Variants in NCOA2 observed in about 807,000 individuals in gnomAD.
NCOA2 encodes the protein class E basic helix-loop-helix protein 75.
In NCOA2, 21 loss-of-function variants were observed where a neutral mutation model predicts 145.1. The ratio of observed to expected loss-of-function variants is 0.14; its 90% CI spans 0.10 to 0.21. The LOEUF is 0.21. Ranked by LOEUF, NCOA2 falls within the 10% of genes least tolerant of loss-of-function variation. The pLI is 1.00. For synonymous variants in NCOA2, 619 were observed against 637.5 expected (o/e 0.97, Z 0.44); for missense variants, 1,472 against 1,837.6 (o/e 0.80, Z 3.64).
intron 10 of NCOA2, among the ~76,000 whole-genome samples, 184 bp from the exon 11 acceptor site, chr8:70,157,424 C>G (rs1403670456): frequency 2.0e-5 from 3 of 152,036 alleles, no homozygotes; most frequent in African/African-American, 7.3e-5. Flanking sequence ...AGTGTTGGAC[C>G]AAGAGGGATG....
intron 1 of NCOA2, among the ~76,000 whole-genome samples, chr8:70,335,064 A>C (rs1274235554): frequency 7.7e-6 from 1 of 130,170 alleles, no homozygotes; most frequent in Non-Finnish European, 1.6e-5. Context: ...TGGAGGTTGC[A>C]GTGAGCTGAG....
intron 1 of NCOA2, among the ~76,000 whole-genome samples, chr8:70,357,700 G>A (rs1282171918): frequency 1.3e-5 from 2 of 150,444 alleles, no homozygotes; most frequent in African/African-American, 2.4e-5. Flanking sequence ...TAGATCGTGC[G>A]CCACTGCACT....
intron 2 of NCOA2, among the ~76,000 whole-genome samples, chr8:70,227,190 T>C (rs1199566919): frequency 6.6e-6 from 1 of 152,176 alleles, no homozygotes; most frequent in Admixed American, 6.5e-5. Flanking sequence ...GGATGGGCCT[T>C]AAGAAACTCA....
chr8:70,270,937 CTAAATA>C (rs1488651429), intron 2 of NCOA2, among the ~76,000 whole-genome samples: 1 of 152,038 alleles, frequency 6.6e-6, no homozygotes, highest in African/African-American at 2.4e-5. Context: ...AGCAATTAGT[CTAAATA>C]TAAAGAAAAA....
intron 1 of NCOA2, among the ~76,000 whole-genome samples, chr8:70,339,426 T>C (rs1489700062): frequency 6.6e-6 from 1 of 151,904 alleles, no homozygotes; most frequent in Non-Finnish European, 1.5e-5. Context: ...CTCAACGAAA[T>C]CACAGAGGAG....
At position 70,221,863 on chromosome 8, in the gene NCOA2, G is replaced by A. The variant is rs187415111; in HGVS notation, c.-19-5099C>T. Among the ~76,000 whole-genome samples, 5 of 152,134 alleles carry A rather than the reference G, an allele frequency of 3.3e-5. No individual in the cohort carries two copies. In the East Asian group the frequency reaches 7.7e-4, roughly 23 times the overall value. ...AGAAAATCAAACGTTGCTTCCCATT[G>A]GCAAACAAGTAATGCATTCAACAGT... On this transcript the variant is annotated intron_variant, in intron 2 of 22. Transcript: ENST00000452400.
At chr8:70,275,571 G>GTATTA (rs1288616148) in intron 2 of NCOA2, among the ~76,000 whole-genome samples, 1 of 151,942 alleles carries the variant, frequency 6.6e-6, no homozygotes, top group Non-Finnish European at 1.5e-5. Context: ...TGTCTATGTA[G>GTATTA]TATTACTCTA....
intron 11 of NCOA2, among the ~76,000 whole-genome samples, chr8:70,149,090 G>T (rs1811448420): frequency 6.7e-6 from 1 of 150,262 alleles, no homozygotes; most frequent in African/African-American, 2.5e-5. Flanking sequence ...CTTTTTTTCT[G>T]CTTGGACTTT....
intron 1 of NCOA2, among the ~76,000 whole-genome samples, chr8:70,337,474 C>T (rs1807716063): frequency 6.6e-6 from 1 of 152,064 alleles, no homozygotes; most frequent in African/African-American, 2.4e-5. Context: ...AATAGTGATC[C>T]TATACATAAT....
intron 2 of NCOA2, among the ~76,000 whole-genome samples, chr8:70,242,744 C>T (rs566769448): frequency 5.0e-4 from 76 of 152,116 alleles, no homozygotes; most frequent in African/African-American, 1.8e-3. Context: ...CAAACTTTTA[C>T]CTTCTCAAAA....
chr8:70,161,797 A>G (rs1429105515), intron 9 of NCOA2, among the ~76,000 whole-genome samples: 1 of 152,196 alleles, frequency 6.6e-6, no homozygotes, highest in Non-Finnish European at 1.5e-5. Context: ...CTGACAGTGC[A>G]TGTGGAGCCC....
chr8:70,144,749 A>G lies in NCOA2; in HGVS notation c.2705T>C (p.Phe902Ser), dbSNP rs1810828544. The G allele has an allele frequency of 1.9e-6, 3 of 1,613,936 alleles. No homozygotes were observed. The highest frequency in any genetic ancestry group is 2.5e-6 in the Non-Finnish European group (3 of 1,179,854). ...TLQSPTGAGPFPPIRNSSPYS... is the reference protein window; with the variant it reads ...TLQSPTGAGPSPPIRNSSPYS... The stretch of plus-strand genomic sequence containing the variant: ...GGGACTACTGTTTCTGATTGGTGGG[A>G]AAGGTCCAGCACCAGTTGGGCTTTG... Residue 902 changes from phenylalanine (F) to serine (S), a missense_variant, in exon 13 of 23, where the codon TTC becomes TCC. Phe to Ser is a radical substitution (Grantham distance 155). Coordinates refer to ENST00000452400, the MANE Select transcript of NCOA2 (RefSeq NM_006540.4).
rs1455719591 is a variant in NCOA2 at position 70,140,923 on chromosome 8, A to G, written c.3028+261T>C. The stretch of plus-strand genomic sequence containing the variant: ...ATTTCTTTATTAATAGTGTGACATT[A>G]TAATTCATTTCTTCCCCAAAGTTGA... On this transcript the variant is annotated intron_variant, in intron 14 of 22. Transcript: ENST00000452400. Among the ~76,000 whole-genome samples the G allele has an allele frequency of 2.6e-5, 4 of 152,152 alleles. No individual in the cohort carries two copies. In the South Asian group the frequency reaches 6.2e-4, roughly 24 times the overall value.
At chr8:70,316,994 G>T (rs1438776054) in intron 1 of NCOA2, among the ~76,000 whole-genome samples, 1 of 152,128 alleles carries the variant, frequency 6.6e-6, no homozygotes, top group African/African-American at 2.4e-5. Context: ...TCTGATCTCT[G>T]CGTGGAGCCC....
chr8:70,339,425 A>AT (rs748222156), intron 1 of NCOA2, among the ~76,000 whole-genome samples: 5 of 152,208 alleles, frequency 3.3e-5, no homozygotes, highest in Non-Finnish European at 5.9e-5. Flanking sequence ...GCTCAACGAA[A>AT]TCACAGAGGA....
intron 4 of NCOA2, among the ~76,000 whole-genome samples, chr8:70,212,746 AGGC>A (rs1819174357): frequency 1.3e-5 from 2 of 152,120 alleles, no homozygotes; most frequent in Non-Finnish European, 2.9e-5. Context: ...ATTATATAAA[AGGC>A]AGATTTTAAA....
chr8:70,135,203 C>T (rs1809595205), intron 15 of NCOA2, among the ~76,000 whole-genome samples: 1 of 152,198 alleles, frequency 6.6e-6, no homozygotes, highest in African/African-American at 2.4e-5. Flanking sequence ...CCACGCTCTT[C>T]TCCAGCTGAG....
intron 2 of NCOA2, 30 bp from the exon 3 acceptor site, chr8:70,216,794 A>G: frequency 7.4e-7 from 1 of 1,359,808 alleles, no homozygotes; most frequent in Non-Finnish European, 1.1e-6. Context: ...AGAGGAAGAA[A>G]AAAATGAAGA....
intron 4 of NCOA2, among the ~76,000 whole-genome samples, chr8:70,205,606 G>A (rs1179060179): frequency 6.6e-6 from 1 of 150,568 alleles, no homozygotes; most frequent in Non-Finnish European, 1.5e-5. Context: ...GCTGAGAGGG[G>A]AAAAAAAAAG....
Sources: gnomAD v4.1 joint callset for allele counts (sites outside exome capture counted in the v4.1 genomes callset) on GRCh38, gnomAD v4.1.1 for gene constraint, MANE v1.5 for transcripts, NCBI Gene and HGNC (gene_info 2026-07-23, HGNC 2026-07-21) for gene names.